RWDD1: variants seen among roughly 807,000 people sequenced by gnomAD.
RWDD1 encodes the protein RWD domain-containing protein 1.
RWDD1 carries 17 observed loss-of-function variants against 31.6 expected under a neutral mutation model. The observed-to-expected ratio is 0.54, with a 90% CI of 0.37 to 0.81. RWDD1 has a LOEUF of 0.81. Ranked by LOEUF, RWDD1 falls within the 30% of genes least tolerant of loss-of-function variation. The probability of loss-of-function intolerance (pLI) is 0.00; values close to 1 mark genes in which losing one functional copy is unlikely to be tolerated. For synonymous variants in RWDD1, 78 were observed against 94.2 expected (o/e 0.83, Z 0.99); for missense variants, 204 against 274.5 (o/e 0.74, Z 1.82).
Position 116,584,777 on chromosome 6 carries a change from G to C in RWDD1, c.190G>C (p.Ala64Pro), listed in dbSNP as rs1361237837. The change falls in exon 3 of 7, where the codon GCT becomes CCT. Residue 64 changes from alanine (A) to proline (P), a missense_variant. Transcript: ENST00000466444. ...ATACAGTGAAAAATACCCAGATGAA[G>C]CTCCCCTTTATGAAATATTCTCCCA... ...FTYSEKYPDEAPLYEIFSQEN... is the reference protein window; with the variant it reads ...FTYSEKYPDEPPLYEIFSQEN... 3 of 1,606,850 alleles carry C rather than the reference G, an allele frequency of 1.9e-6. No homozygotes were observed. The African/African-American group carries it at 4.0e-5, about 22-fold the overall frequency.
intron 2 of RWDD1, 85 bp downstream of exon 2, chr6:116,580,445 A>T: frequency 1.1e-6 from 1 of 949,808 alleles, no homozygotes; most frequent in Non-Finnish European, 1.6e-6. Flanking sequence ...GGATATTGTC[A>T]TGTGGAGGTG....
At chr6:116,592,048 T>G (rs1775153700) in intron 6 of RWDD1, among the ~76,000 whole-genome samples, 1 of 152,244 alleles carries the variant, frequency 6.6e-6, no homozygotes, top group Non-Finnish European at 1.5e-5. Flanking sequence ...CATTACCTAT[T>G]CTATAGTCAC....
intron 6 of RWDD1, among the ~76,000 whole-genome samples, chr6:116,592,300 T>C (rs538626961): frequency 1.9e-4 from 29 of 152,224 alleles, no homozygotes; most frequent in Non-Finnish European, 3.7e-4. Flanking sequence ...AATTGCTTCA[T>C]CCTGGCTCCT....
intron 1 of RWDD1, among the ~76,000 whole-genome samples, chr6:116,575,654 C>G (rs1774826558): frequency 6.6e-6 from 1 of 152,120 alleles, no homozygotes; most frequent in African/African-American, 2.4e-5. Flanking sequence ...CAGAAAACCC[C>G]CAATAACATT....
At chr6:116,573,621 T>A (rs765441899) in intron 1 of RWDD1, among the ~76,000 whole-genome samples, 13 of 152,236 alleles carry the variant, frequency 8.5e-5, no homozygotes, top group Non-Finnish European at 1.3e-4. Context: ...CTTGGAGATT[T>A]GCAAGATTTT....
At chr6:116,574,996 T>C (rs1242713355) in intron 1 of RWDD1, among the ~76,000 whole-genome samples, 1 of 152,056 alleles carries the variant, frequency 6.6e-6, no homozygotes, top group African/African-American at 2.4e-5. Context: ...TCTCAAACTC[T>C]TGGCCTCAAG....
At chr6:116,571,813 C>A (rs778408269) in intron 1 of RWDD1, among the ~76,000 whole-genome samples, 158 bp downstream of exon 1, 7 of 152,050 alleles carry the variant, frequency 4.6e-5, no homozygotes, top group Non-Finnish European at 7.4e-5. Flanking sequence ...AGTCACTTAC[C>A]AGCAACCCAG....
chr6:116,579,885 A>G (rs1021003780), intron 1 of RWDD1, among the ~76,000 whole-genome samples: 19 of 152,226 alleles, frequency 1.2e-4, no homozygotes, highest in African/African-American at 3.6e-4. Context: ...ATATCTCACA[A>G]TATATAAGTA....
intron 1 of RWDD1, among the ~76,000 whole-genome samples, chr6:116,579,922 G>A (rs1774918435): frequency 6.6e-6 from 1 of 152,174 alleles, no homozygotes; most frequent in Admixed American, 6.5e-5. Context: ...ATGAGTATCA[G>A]TGGGTAGTTT....
intron 3 of RWDD1, among the ~76,000 whole-genome samples, chr6:116,586,034 A>G (rs1247075591): frequency 6.6e-6 from 1 of 152,038 alleles, no homozygotes; most frequent in Non-Finnish European, 1.5e-5. Context: ...CCTTAATGTA[A>G]ATTATTCAGT....
rs1309215249 is a variant in RWDD1 at position 116,597,068 on chromosome 6, C to T, written c.*3967C>T. 1 of 152,166 alleles carries T rather than the reference C, an allele frequency of 6.6e-6. No individual in the cohort carries two copies. The highest frequency in any genetic ancestry group is 1.5e-5 in the Non-Finnish European group (1 of 68,048). The allele number at this position is 152,166 out of a possible 1,614,324, so 9.4% of individuals were successfully genotyped here. A position where few individuals can be genotyped will look rare whatever the true frequency, so the allele number is the denominator to read the frequency against. Reference sequence around the variant, plus strand: ...TAAATGGTATTTAGTTGTGGATCTTCATCCTGTCATGCAGCTAAATATTCC... The same window carrying T: ...TAAATGGTATTTAGTTGTGGATCTTTATCCTGTCATGCAGCTAAATATTCC... On this transcript the variant is annotated 3_prime_UTR_variant, in exon 7 of 7. Transcript: ENST00000466444.
chr6:116,576,177 A>C (rs1307855175), intron 1 of RWDD1, among the ~76,000 whole-genome samples: 1 of 152,214 alleles, frequency 6.6e-6, no homozygotes, highest in Non-Finnish European at 1.5e-5. Flanking sequence ...TCCAAGCATT[A>C]GTCTCTGTAT....
chr6:116,575,948 A>T (rs1381762606), intron 1 of RWDD1, among the ~76,000 whole-genome samples: 2 of 152,248 alleles, frequency 1.3e-5, no homozygotes, highest in Non-Finnish European at 2.9e-5. Context: ...GTGGGAACTT[A>T]GTCATTTGGT....
At chr6:116,580,521 A>G (rs572949133) in intron 2 of RWDD1, among the ~76,000 whole-genome samples, 161 bp downstream of exon 2, 30 of 152,328 alleles carry the variant, frequency 2.0e-4, no homozygotes, top group African/African-American at 6.5e-4. Context: ...CTGTGTGAAC[A>G]TGACTTCTAG....
chr6:116,590,911 C>G lies in RWDD1; in HGVS notation c.571C>G (p.His191Asp). Residue 191 changes from histidine (H) to aspartate (D), a missense_variant, in exon 6 of 7, where the codon CAT becomes GAT. By Grantham distance (81) the His-to-Asp change is moderately conservative. Transcript: ENST00000466444. ...AGGGAAACAACTATTTGAAACAGAT[C>G]ATAATCTTGACACATCTGATATCCA... ...LSGKQLFETD[H>D]NLDTSDIQFL... The G allele has an allele frequency of 6.4e-7, 1 of 1,557,638 alleles. No homozygotes were observed. Among genetic ancestry groups the G allele is most frequent in the South Asian group, 1.2e-5 (1 of 82,470 alleles).
chr6:116,577,678 T>A (rs78423907), intron 1 of RWDD1, among the ~76,000 whole-genome samples: 8,287 of 152,180 alleles, frequency 0.054, 647 homozygotes, highest in African/African-American at 0.18. Flanking sequence ...GCCGACCTAG[T>A]TCAGGACCTT....
chr6:116,597,292 A>T lies in RWDD1; in HGVS notation c.*4191A>T, dbSNP rs2115342005. 6.6e-6 allele frequency: 1 copy of T among 152,312 alleles called. No individual in the cohort carries two copies. The highest frequency in any genetic ancestry group is 2.4e-5 in the African/African-American group (1 of 41,568). 9.4% of individuals were successfully genotyped at this position (152,312 alleles called of 1,614,324 possible). On this transcript the variant is annotated 3_prime_UTR_variant, in exon 7 of 7. Coordinates refer to ENST00000466444, the MANE Select transcript of RWDD1 (RefSeq NM_015952.4). ...GCTTTTTAATTTCCTTACATAATTAACATGATGAATTTTTAAATAATTGTT... is the reference window on the plus strand; with the variant it reads ...GCTTTTTAATTTCCTTACATAATTATCATGATGAATTTTTAAATAATTGTT...
At chr6:116,587,294 C>G (rs1229466952) in intron 3 of RWDD1, among the ~76,000 whole-genome samples, 1 of 152,060 alleles carries the variant, frequency 6.6e-6, no homozygotes, top group Non-Finnish European at 1.5e-5. Flanking sequence ...AGACAAAGTT[C>G]TGTAGAAGCT....
In RWDD1 at chr6:116,588,983, A is replaced by G; in HGVS notation, c.412A>G (p.Lys138Glu). ...QKEKEAEEAEKQLFHGTPVTI... is the reference protein window; with the variant it reads ...QKEKEAEEAEEQLFHGTPVTI... ...AGAAAAAGAAGCAGAAGAAGCTGAA[A>G]AGGTATATTTAAAAGCCTTGTTTTC... Residue 138 changes from lysine (K) to glutamate (E), a missense_variant and splice_region_variant, in exon 4 of 7, where the codon AAG becomes GAG. Transcript: ENST00000466444. 1 of 1,379,390 alleles carries G rather than the reference A, an allele frequency of 7.2e-7. No homozygotes were observed. Among genetic ancestry groups the G allele is most frequent in the Non-Finnish European group, 9.5e-7 (1 of 1,054,894 alleles). The allele number at this position is 1,379,390 out of a possible 1,614,324, so 85.4% of individuals were successfully genotyped here.
Sources: allele counts gnomAD v4.1 joint callset (sites outside exome capture counted in the v4.1 genomes callset), GRCh38; gene constraint gnomAD v4.1.1; transcripts MANE v1.5; gene names NCBI Gene and HGNC (gene_info 2026-07-23, HGNC 2026-07-21).